Variants in TRPM7 observed in about 807,000 individuals in gnomAD.
TRPM7 encodes LTRPC ion channel family member 7.
TRPM7 carries 134 observed loss-of-function variants against 229.7 expected under a neutral mutation model. The observed-to-expected ratio is 0.58, with a 90% confidence interval of 0.51 to 0.67. The LOEUF (loss-of-function observed/expected upper bound fraction) is 0.67. Among genes scored for constraint, TRPM7 ranks in the 30% least tolerant of loss-of-function variants. The pLI is 0.00. For missense variants in TRPM7, 1,901 were observed against 2,210.0 expected (o/e 0.86, Z 2.80); for synonymous variants, 699 against 715.2 (o/e 0.98, Z 0.36).
At chr15:50,652,063 T>C (rs1293339975) in intron 3 of TRPM7, among the ~76,000 whole-genome samples, 2 of 151,414 alleles carry the variant, frequency 1.3e-5, no homozygotes, top group African/African-American at 4.8e-5. Flanking sequence ...CCGGGTGCGG[T>C]GGCTCATGCC....
rs557660183 is a variant in TRPM7 at position 50,650,269 on chromosome 15, G to A, written c.123-1384C>T. ...TAAAAGCTACTGGACAGCAATAGCC[G>A]AAACAATTTCTGAAGCTCATAAAGG... On this transcript the variant is annotated intron_variant, in intron 3 of 38. Coordinates refer to ENST00000646667, the MANE Select transcript of TRPM7 (RefSeq NM_017672.6). 1.4e-4 allele frequency among the ~76,000 whole-genome samples: 21 copies of A among 146,352 alleles called. 1 individual carries two copies. Among genetic ancestry groups the A allele is most frequent in the South Asian group, 8.7e-4 (4 of 4,604 alleles).
Position 50,634,536 on chromosome 15 carries a change from C to A in TRPM7, c.853G>T (p.Val285Leu). ...CCACCCTCAAATATAAGTGCCACCA[C>A]AGGGACACCCTGGCCAATCCCTAAA... ...IHARIGQGVP[V>L]VALIFEGGPN... is the part of the protein sequence containing the mutation. The change falls in exon 8 of 39, where the codon GTG becomes TTG. Residue 285 changes from valine to leucine, a missense_variant. Coordinates refer to ENST00000646667, the MANE Select transcript of TRPM7 (RefSeq NM_017672.6). 6.7e-7 allele frequency: 1 copy of A among 1,499,502 alleles called. No homozygotes were observed. Among genetic ancestry groups the A allele is most frequent in the Non-Finnish European group, 8.9e-7 (1 of 1,127,982 alleles). The allele number at this position is 1,499,502 out of a possible 1,614,324, so 92.9% of individuals were successfully genotyped here.
chr15:50,591,876 A>G, intron 26 of TRPM7, 35 bp downstream of exon 26: 3 of 1,379,808 alleles, frequency 2.2e-6, no homozygotes, highest in Non-Finnish European at 3.0e-6. Flanking sequence ...AAAGTAAATA[A>G]TATTGATATA....
At chr15:50,621,807 A>AT (rs1363897309) in intron 12 of TRPM7, among the ~76,000 whole-genome samples, 1 of 152,150 alleles carries the variant, frequency 6.6e-6, no homozygotes, top group African/African-American at 2.4e-5. Context: ...GAGGCAGTGG[A>AT]TCACCTTAGG....
At chr15:50,579,381 T>G (rs2054290734) in intron 30 of TRPM7, among the ~76,000 whole-genome samples, 1 of 152,224 alleles carries the variant, frequency 6.6e-6, no homozygotes, top group Admixed American at 6.5e-5. Flanking sequence ...AGCTCCTACA[T>G]TCTATCTGAC....
chr15:50,648,195 C>G (rs1158649790), intron 4 of TRPM7, among the ~76,000 whole-genome samples: 1 of 151,942 alleles, frequency 6.6e-6, no homozygotes, highest in African/African-American at 2.4e-5. Flanking sequence ...AGTCCTGAAA[C>G]CAAGCCCCCT....
chr15:50,615,863 T>C (rs993837036), intron 13 of TRPM7, among the ~76,000 whole-genome samples: 1 of 152,174 alleles, frequency 6.6e-6, no homozygotes, highest in African/African-American at 2.4e-5. Flanking sequence ...ACCATTGCAC[T>C]CTAGCATGGG....
chr15:50,668,601 G>T (rs887434798), intron 1 of TRPM7, among the ~76,000 whole-genome samples: 1 of 152,120 alleles, frequency 6.6e-6, no homozygotes, highest in Admixed American at 6.6e-5. Context: ...TCTGCCTCCG[G>T]GGTCCAAGTA....
chr15:50,583,598 C>G (rs1225570195), intron 28 of TRPM7, among the ~76,000 whole-genome samples: 2 of 135,148 alleles, frequency 1.5e-5, no homozygotes, highest in African/African-American at 5.7e-5. Flanking sequence ...TTTTTTGAGA[C>G]AGAGTTTCAC....
chr15:50,561,599 A>C lies in TRPM7; in HGVS notation c.*79T>G, dbSNP rs528336815. 18 of 1,558,696 alleles carry C rather than the reference A, an allele frequency of 1.2e-5. No homozygotes were observed. Among genetic ancestry groups the C allele is most frequent in the African/African-American group, 6.9e-5 (5 of 72,540 alleles). ...CATACACCTTTCTATATTACCAAAC[A>C]ATTTCCTCCCGAGGGAAAAGTGACA... On this transcript the variant is annotated 3_prime_UTR_variant, in exon 39 of 39. Coordinates refer to ENST00000646667, the MANE Select transcript of TRPM7 (RefSeq NM_017672.6).
Position 50,682,173 on chromosome 15 carries a change from C to CAAAAAAAAAAAAAAAAAAA in TRPM7, c.3+4357_3+4358insTTTTTTTTTTTTTTTTTTT, listed in dbSNP as rs34590459. Among the ~76,000 whole-genome samples, 43 of 63,660 alleles carry CAAAAAAAAAAAAAAAAAAA rather than the reference C, an allele frequency of 6.8e-4. 3 individuals carry two copies. Among genetic ancestry groups the CAAAAAAAAAAAAAAAAAAA allele is most frequent in the Non-Finnish European group, 1.0e-3 (37 of 35,820 alleles). The allele number at this position is 63,660 out of a possible 152,430, so 41.8% of individuals were successfully genotyped here. A position where few individuals can be genotyped will look rare whatever the true frequency, so the allele number is the denominator to read the frequency against. ...TGGGCAAAAGAGCAAAACTCAGTCT[C>CAAAAAAAAAAAAAAAAAAA]AAAAAAAAAAAAAAAAAAGGACTGT... is the stretch of plus-strand genomic sequence containing the variant. On this transcript the variant is annotated intron_variant, in intron 1 of 38. Coordinates refer to ENST00000646667, the MANE Select transcript of TRPM7 (RefSeq NM_017672.6).
At chr15:50,666,631 T>G (rs1451599160) in intron 1 of TRPM7, among the ~76,000 whole-genome samples, 1 of 152,054 alleles carries the variant, frequency 6.6e-6, no homozygotes, top group Non-Finnish European at 1.5e-5. Flanking sequence ...TGGAGAAACC[T>G]GTCTCTACTA....
At chr15:50,587,235 TACA>T (rs1316377116) in intron 27 of TRPM7, among the ~76,000 whole-genome samples, 1 of 152,128 alleles carries the variant, frequency 6.6e-6, no homozygotes, top group Non-Finnish European at 1.5e-5. Flanking sequence ...GAGCTATTTA[TACA>T]ACAAGGTTAT....
intron 2 of TRPM7, 141 bp from the exon 3 acceptor site, chr15:50,657,960 C>T (rs1190574265): frequency 5.4e-6 from 3 of 551,864 alleles, no homozygotes; most frequent in Admixed American, 3.1e-5. Flanking sequence ...TTCACGTATA[C>T]CTTGATTTAT....
intron 3 of TRPM7, among the ~76,000 whole-genome samples, chr15:50,653,601 A>G (rs2061480897): frequency 6.6e-6 from 1 of 152,216 alleles, no homozygotes; most frequent in South Asian, 2.1e-4. Flanking sequence ...TGACTGCACC[A>G]GCTTGGGGGC....
Position 50,574,925 on chromosome 15 carries a change from G to C in TRPM7, c.4946C>G (p.Ser1649Cys), listed in dbSNP as rs1361212021. 6.2e-7 allele frequency: 1 copy of C among 1,613,928 alleles called. No homozygotes were observed. The highest frequency in any genetic ancestry group is 2.2e-5 in the East Asian group (1 of 44,872). Residue 1649 changes from serine to cysteine, a missense_variant, in exon 34 of 39, where the codon TCT becomes TGT. By Grantham distance (112) the Ser-to-Cys change is moderately radical. This residue lies in a region of TRPM7 where 257 missense variants were observed against 352.0 expected (regional missense o/e 0.73). Transcript: ENST00000646667. ...TGTATTAACCACCTCTGGAAGAAAAGATTTGATAATATAAAGATGCCCTGA... is the reference window on the plus strand; with the variant it reads ...TGTATTAACCACCTCTGGAAGAAAACATTTGATAATATAAAGATGCCCTGA... ...LKSGHLYIIK[S>C]FLPEVVNTWS...
At chr15:50,644,917 T>G (rs1454765190) in intron 4 of TRPM7, among the ~76,000 whole-genome samples, 3 of 152,100 alleles carry the variant, frequency 2.0e-5, no homozygotes, top group East Asian at 3.8e-4. Flanking sequence ...GTTTTGTTTT[T>G]TTTAGACACG....
intron 26 of TRPM7, 33 bp from the exon 27 acceptor site, chr15:50,589,689 A>G: frequency 6.8e-7 from 1 of 1,463,614 alleles, no homozygotes; most frequent in Non-Finnish European, 9.4e-7. Flanking sequence ...GCAATGAGAA[A>G]TTTTTATTTT....
intron 1 of TRPM7, among the ~76,000 whole-genome samples, chr15:50,668,391 A>G (rs1364041192): frequency 6.6e-6 from 1 of 152,246 alleles, no homozygotes; most frequent in Non-Finnish European, 1.5e-5. Context: ...GCTATTAACA[A>G]TTGAGTAAAG....
Sources: gnomAD v4.1 joint callset for allele counts (sites outside exome capture counted in the v4.1 genomes callset) on GRCh38, gnomAD v4.1.1 for gene constraint, gnomAD v4.1.1 regional missense constraint, MANE v1.5 for transcripts, NCBI Gene and HGNC (gene_info 2026-07-23, HGNC 2026-07-21) for gene names.